The following RUNX1 variants were observed in gnomAD, a reference collection of about 807,000 sequenced individuals.
RUNX1 encodes runt-related transcription factor 1.
Under a neutral mutation model 42.8 loss-of-function variants are expected in RUNX1, and 19 were observed. The observed-to-expected ratio is 0.44, with a 90% CI of 0.31 to 0.65. The LOEUF is 0.65. Among genes scored for constraint, RUNX1 ranks in the 30% least tolerant of loss-of-function variants. RUNX1 has a pLI of 0.07. For missense variants in RUNX1, 528 were observed against 672.0 expected (o/e 0.79, Z 2.37); for synonymous variants, 271 against 289.4 (o/e 0.94, Z 0.64).
chr21:34,969,853 G>C (rs1011609166), intron 2 of RUNX1, among the ~76,000 whole-genome samples: 1 of 151,720 alleles, frequency 6.6e-6, no homozygotes, highest in Non-Finnish European at 1.5e-5. Flanking sequence ...AAAGACAAAA[G>C]ACTGGTGTCA....
intron 2 of RUNX1, among the ~76,000 whole-genome samples, chr21:34,944,713 G>C (rs2058552177): frequency 6.6e-6 from 1 of 152,170 alleles, no homozygotes. Flanking sequence ...CTGGGTTTTT[G>C]TGGCTAGAGA....
chr21:34,900,959 T>C (rs183628448), intron 2 of RUNX1, among the ~76,000 whole-genome samples: 4 of 152,332 alleles, frequency 2.6e-5, no homozygotes, highest in Non-Finnish European at 4.4e-5. Context: ...AAATATAGCA[T>C]ATAAATTTTT....
At chr21:35,019,310 C>T (rs944515334) in intron 2 of RUNX1, among the ~76,000 whole-genome samples, 4 of 152,184 alleles carry the variant, frequency 2.6e-5, no homozygotes, top group Non-Finnish European at 4.4e-5. Context: ...CTCGAGACAC[C>T]TTCTAGCCTT....
intron 2 of RUNX1, among the ~76,000 whole-genome samples, chr21:34,923,386 A>T (rs1414345954): frequency 6.6e-6 from 1 of 152,188 alleles, no homozygotes; most frequent in Non-Finnish European, 1.5e-5. Context: ...AAGAAACTGA[A>T]TAGTGATGAG....
Position 34,928,972 on chromosome 21 carries a change from G to T in RUNX1, c.59-36009C>A, listed in dbSNP as rs572518014. On this transcript the variant is annotated intron_variant, in intron 2 of 8. Coordinates refer to ENST00000675419, the MANE Select transcript of RUNX1 (RefSeq NM_001754.5). Reference sequence around the variant, plus strand: ...CTACAGATTTTTTTTGGGGGGGGGGGTAGATTTCACTTTGTGTACAAATCC... The same window carrying T: ...CTACAGATTTTTTTTGGGGGGGGGGTTAGATTTCACTTTGTGTACAAATCC... Among the ~76,000 whole-genome samples the T allele has an allele frequency of 7.2e-4, 101 of 140,940 alleles. 1 individual carries two copies. Among genetic ancestry groups the T allele is most frequent in the African/African-American group, 2.4e-3 (92 of 38,032 alleles). 92.5% of individuals were successfully genotyped at this position (140,940 alleles called of 152,430 possible).
chr21:34,821,799 T>A, intron 7 of RUNX1: 2 of 966,918 alleles, frequency 2.1e-6, no homozygotes, highest in Non-Finnish European at 2.9e-6. Flanking sequence ...CGTGAAAGAA[T>A]CAAATGAGGA....
At chr21:34,889,571 C>T (rs1021390760) in intron 3 of RUNX1, 5 of 756,598 alleles carry the variant, frequency 6.6e-6, no homozygotes, top group Admixed American at 6.1e-5. Context: ...CCGCAGCAGC[C>T]GGACAGCCTG....
intron 2 of RUNX1, chr21:35,038,612 T>TCA (rs2059330001): frequency 6.3e-6 from 2 of 319,344 alleles, no homozygotes; most frequent in Non-Finnish European, 1.2e-5. Flanking sequence ...TCTCTCTCTC[T>TCA]CTGTGTGTGT....
At chr21:34,977,564 G>A (rs1005997758) in intron 2 of RUNX1, among the ~76,000 whole-genome samples, 1 of 152,218 alleles carries the variant, frequency 6.6e-6, no homozygotes, top group African/African-American at 2.4e-5. Flanking sequence ...TGCGGAGAGA[G>A]GGGTAGGATT....
At chr21:34,882,435 G>A (rs2300399) in intron 4 of RUNX1, among the ~76,000 whole-genome samples, 37,293 of 152,052 alleles carry the variant, frequency 0.25, 4,968 homozygotes, top group African/African-American at 0.34. Flanking sequence ...TATCCAACTT[G>A]CACTGCCAAA....
At chr21:34,833,676 T>G (rs1474514686) in intron 7 of RUNX1, 2 of 160,906 alleles carry the variant, frequency 1.2e-5, no homozygotes, top group Non-Finnish European at 2.8e-5. Flanking sequence ...GCATCCTGCA[T>G]GGCACAGAGA....
At chr21:35,011,939 T>A (rs2059129264) in intron 2 of RUNX1, among the ~76,000 whole-genome samples, 1 of 152,092 alleles carries the variant, frequency 6.6e-6, no homozygotes, top group Admixed American at 6.6e-5. Context: ...GTAACATGAG[T>A]CATTCCAGCC....
At chr21:34,823,468 A>C in intron 7 of RUNX1, among the ~76,000 whole-genome samples, 1 of 82,336 alleles carries the variant, frequency 1.2e-5, no homozygotes, top group Non-Finnish European at 2.1e-5. Flanking sequence ...TTTCAGATGG[A>C]GTTTCACTCT....
At chr21:34,976,256 A>G (rs1369478504) in intron 2 of RUNX1, among the ~76,000 whole-genome samples, 5 of 152,218 alleles carry the variant, frequency 3.3e-5, no homozygotes, top group African/African-American at 1.2e-4. Flanking sequence ...ATTTATTAGC[A>G]CATATCTTGC....
chr21:34,840,021 A>G (rs1039233522), intron 6 of RUNX1, among the ~76,000 whole-genome samples: 3 of 152,176 alleles, frequency 2.0e-5, no homozygotes, highest in Non-Finnish European at 4.4e-5. Context: ...GAAAATGCCC[A>G]AACTCTGCCC....
At chr21:34,797,138 C>G (rs1944156576) in intron 8 of RUNX1, among the ~76,000 whole-genome samples, 1 of 152,206 alleles carries the variant, frequency 6.6e-6, no homozygotes, top group South Asian at 2.1e-4. Context: ...GGGAGTTCTG[C>G]CAAATTGAAG....
chr21:34,849,399 T>TATAC (rs1320199915), intron 6 of RUNX1, among the ~76,000 whole-genome samples: 1 of 46,626 alleles, frequency 2.1e-5, no homozygotes, highest in Non-Finnish European at 3.9e-5. Context: ...TATAATATAT[T>TATAC]ATACTATATA....
chr21:34,836,746 A>G (rs746521449), intron 6 of RUNX1, among the ~76,000 whole-genome samples: 33 of 152,326 alleles, frequency 2.2e-4, no homozygotes, highest in Non-Finnish European at 1.2e-4. Context: ...ACTTAGTGGC[A>G]TTTTTGAAGA....
At chr21:34,900,118 T>G (rs1471739313) in intron 2 of RUNX1, among the ~76,000 whole-genome samples, 1 of 152,278 alleles carries the variant, frequency 6.6e-6, no homozygotes, top group African/African-American at 2.4e-5. Flanking sequence ...AAAATAAATT[T>G]TAATATGTTT....
Sources: gnomAD v4.1 joint callset for allele counts (sites outside exome capture counted in the v4.1 genomes callset) on GRCh38, gnomAD v4.1.1 for gene constraint, MANE v1.5 for transcripts, NCBI Gene and HGNC (gene_info 2026-07-23, HGNC 2026-07-21) for gene names.